Variants in SUGCT observed in about 807,000 individuals in gnomAD.
SUGCT encodes the protein succinyl-CoA:glutarate-CoA transferase.
In SUGCT, 41 loss-of-function variants were observed where a neutral mutation model predicts 55.0. That is an observed-to-expected ratio of 0.74 (90% CI 0.58 to 0.97). SUGCT has a LOEUF of 0.97. Ranked by LOEUF, SUGCT falls within the 50% of genes least tolerant of loss-of-function variation. SUGCT has a pLI of 0.00. For synonymous variants in SUGCT, 187 were observed against 200.4 expected, an observed-to-expected ratio of 0.93 and a Z score of 0.56; for missense variants, 568 against 547.8, an observed-to-expected ratio of 1.04 and a Z score of -0.37.
intron 9 of SUGCT, among the ~76,000 whole-genome samples, chr7:40,389,686 A>G (rs1373542418): frequency 6.6e-6 from 1 of 152,214 alleles, no homozygotes; most frequent in East Asian, 1.9e-4. Context: ...TAGAGAAGTT[A>G]TATGATTTTC....
At chr7:40,257,163 G>C (rs1447985412) in intron 7 of SUGCT, among the ~76,000 whole-genome samples, 6 of 152,116 alleles carry the variant, frequency 3.9e-5, no homozygotes, top group Non-Finnish European at 8.8e-5. Context: ...TCCTCCCTCA[G>C]CCTCCCGAGT....
At chr7:40,220,145 C>T (rs1212816103) in intron 6 of SUGCT, among the ~76,000 whole-genome samples, 1 of 152,116 alleles carries the variant, frequency 6.6e-6, no homozygotes, top group Non-Finnish European at 1.5e-5. Flanking sequence ...GTTATCTTCC[C>T]TTTAAAGTGT....
At chr7:40,152,571 ATAACT>A (rs1435138482) in intron 1 of SUGCT, 1 of 197,756 alleles carries the variant, frequency 5.1e-6, no homozygotes, top group Non-Finnish European at 1.2e-5. Context: ...AGATCGGTTG[ATAACT>A]TATTTGTGGT....
chr7:40,790,767 A>T (rs529262861), intron 13 of SUGCT, among the ~76,000 whole-genome samples: 1 of 152,372 alleles, frequency 6.6e-6, no homozygotes, highest in African/African-American at 2.4e-5. Context: ...ACTCTAACTT[A>T]TCAAGTGATG....
chr7:40,675,794 G>T (rs977582335), intron 12 of SUGCT, among the ~76,000 whole-genome samples: 2 of 152,208 alleles, frequency 1.3e-5, no homozygotes, highest in African/African-American at 4.8e-5. Flanking sequence ...GAATGGAGAG[G>T]ACTGCTGGGA....
intron 8 of SUGCT, among the ~76,000 whole-genome samples, chr7:40,316,396 A>AT (rs1445026664): frequency 6.6e-6 from 1 of 152,134 alleles, no homozygotes; most frequent in Non-Finnish European, 1.5e-5. Flanking sequence ...ATAAAAGGAG[A>AT]TACATGCAGA....
intron 12 of SUGCT, among the ~76,000 whole-genome samples, chr7:40,546,518 T>C (rs767744419): frequency 2.6e-5 from 4 of 152,202 alleles, no homozygotes; most frequent in Admixed American, 1.3e-4. Flanking sequence ...TATTGAGCAC[T>C]GATGGAATAT....
chr7:40,428,000 G>A (rs1583655122), intron 9 of SUGCT, among the ~76,000 whole-genome samples: 2 of 152,048 alleles, frequency 1.3e-5, no homozygotes, highest in Admixed American at 6.6e-5. Flanking sequence ...ATTGAAAATG[G>A]GTTATTGAAA....
chr7:40,458,119 A>G (rs1279566915), intron 10 of SUGCT, among the ~76,000 whole-genome samples: 2 of 152,232 alleles, frequency 1.3e-5, no homozygotes, highest in African/African-American at 2.4e-5. Context: ...GTCCTTTGTA[A>G]GATGATTAAT....
chr7:40,853,076 C>CAAA lies in SUGCT; in HGVS notation c.1154-7228_1154-7226dup, dbSNP rs60985337. On this transcript the variant is annotated intron_variant, in intron 13 of 13. Transcript: ENST00000335693. Reference sequence around the variant, plus strand: ...CCCACAACCACTCAGCACAACACTTCAAAAAAAAAAAAAAGAAAGAAAGTA... The same window carrying CAAA: ...CCCACAACCACTCAGCACAACACTTCAAAAAAAAAAAAAAAAAGAAAGAAAGTA... Among the ~76,000 whole-genome samples, 112 of 95,184 alleles carry CAAA rather than the reference C, an allele frequency of 1.2e-3. 1 individual carries two copies. The highest frequency in any genetic ancestry group is 4.1e-3 in the African/African-American group (105 of 25,350). 62.4% of individuals were successfully genotyped at this position (95,184 alleles called of 152,430 possible).
intron 11 of SUGCT, among the ~76,000 whole-genome samples, chr7:40,467,492 A>G (rs1790187044): frequency 6.6e-6 from 1 of 152,100 alleles, no homozygotes; most frequent in Non-Finnish European, 1.5e-5. Context: ...GTGAAATTAT[A>G]TTTTACTGTA....
intron 8 of SUGCT, among the ~76,000 whole-genome samples, chr7:40,285,750 G>A (rs768245519): frequency 6.6e-6 from 1 of 152,060 alleles, no homozygotes; most frequent in Non-Finnish European, 1.5e-5. Flanking sequence ...GAGGTATAAC[G>A]GTGAGTACTT....
the SUGCT span, among the ~76,000 whole-genome samples, chr7:40,898,113 A>G: frequency 3.3e-5 from 5 of 152,128 alleles, no homozygotes; most frequent in Admixed American, 3.3e-4. Flanking sequence ...GAAGGTCTGC[A>G]GCTTCACTCG....
At chr7:40,623,835 A>G (rs776906684) in intron 12 of SUGCT, among the ~76,000 whole-genome samples, 5 of 152,326 alleles carry the variant, frequency 3.3e-5, no homozygotes, top group Non-Finnish European at 5.9e-5. Context: ...TCCTCATTTT[A>G]GAACAAGGCT....
chr7:40,580,848 G>A (rs538358182), intron 12 of SUGCT, among the ~76,000 whole-genome samples: 20 of 152,300 alleles, frequency 1.3e-4, no homozygotes, highest in African/African-American at 4.1e-4. Context: ...GTATAGGTTT[G>A]TAGCCTAAGA....
chr7:40,961,996 G>T, the SUGCT span, among the ~76,000 whole-genome samples: 2 of 152,098 alleles, frequency 1.3e-5, no homozygotes, highest in African/African-American at 4.8e-5. Flanking sequence ...AATGTGGAAG[G>T]GGACCCAAGT....
chr7:40,253,159 C>A (rs1018684802), intron 7 of SUGCT, among the ~76,000 whole-genome samples: 4 of 151,972 alleles, frequency 2.6e-5, no homozygotes, highest in African/African-American at 9.7e-5. Context: ...TCCCTTTTTT[C>A]ATCTGTGAAA....
intron 8 of SUGCT, among the ~76,000 whole-genome samples, chr7:40,295,734 A>G (rs1022070030): frequency 1.3e-5 from 2 of 152,208 alleles, no homozygotes; most frequent in African/African-American, 4.8e-5. Context: ...GTTATGTCAT[A>G]ATGTAAACAT....
intron 12 of SUGCT, among the ~76,000 whole-genome samples, chr7:40,707,053 C>G (rs989751837): frequency 2.0e-5 from 3 of 152,152 alleles, no homozygotes; most frequent in African/African-American, 7.2e-5. Context: ...CATGTCCTAG[C>G]AGCTTCCTCG....
Sources: allele counts gnomAD v4.1 joint callset (sites outside exome capture counted in the v4.1 genomes callset), GRCh38; gene constraint gnomAD v4.1.1; transcripts MANE v1.5; gene names NCBI Gene and HGNC (gene_info 2026-07-23, HGNC 2026-07-21).